ITGA11: variants seen among roughly 807,000 people sequenced by gnomAD.
ITGA11 encodes integrin subunit alpha 11, also known as integrin alpha-11.
A neutral mutation model predicts 141.9 loss-of-function variants in ITGA11; 97 were observed. The ratio of observed to expected loss-of-function variants is 0.68; its 90% confidence interval spans 0.58 to 0.81. The LOEUF is 0.81. Ranked by LOEUF, ITGA11 falls within the 30% of genes least tolerant of loss-of-function variation. The pLI is 0.00. For synonymous variants in ITGA11, 658 were observed against 624.6 expected (o/e 1.05, Z -0.80); for missense variants, 1,387 against 1,559.2 (o/e 0.89, Z 1.86).
At chr15:68,377,660 A>G (rs1344502020) in intron 2 of ITGA11, among the ~76,000 whole-genome samples, 3 of 152,230 alleles carry the variant, frequency 2.0e-5, no homozygotes, top group Admixed American at 6.5e-5. Context: ...CAGACAATCT[A>G]GAGGACATCC....
Position 68,298,759 on chromosome 15 carries a change from C to T in ITGA11, c.*4300G>A, listed in dbSNP as rs919333904. On this transcript the variant is annotated 3_prime_UTR_variant, in exon 30 of 30. Transcript: ENST00000315757. ...AAAAATTTTTTGACTCTGACTTGGG[C>T]CACCTTCTGAAAACATTTCAGACAC... 1 of 152,176 alleles carries T rather than the reference C, an allele frequency of 6.6e-6. No homozygotes were observed. Among genetic ancestry groups the T allele is most frequent in the Non-Finnish European group, 1.5e-5 (1 of 68,036 alleles). 9.4% of individuals were successfully genotyped at this position (152,176 alleles called of 1,614,324 possible).
chr15:68,418,652 G>A (rs928778040), intron 1 of ITGA11, among the ~76,000 whole-genome samples: 5 of 140,722 alleles, frequency 3.6e-5, no homozygotes, highest in East Asian at 2.2e-4. Context: ...ATCATGTAGC[G>A]CACAGCCGGT....
At chr15:68,361,741 G>T (rs1895250451) in intron 4 of ITGA11, 37 bp from the exon 5 acceptor site, 1 of 1,434,990 alleles carries the variant, frequency 7.0e-7, no homozygotes, top group Non-Finnish European at 9.7e-7. Context: ...TCAGTGAGGG[G>T]ACCTCAGAGA....
At chr15:68,384,580 G>A (rs1895938593) in intron 2 of ITGA11, among the ~76,000 whole-genome samples, 1 of 152,148 alleles carries the variant, frequency 6.6e-6, no homozygotes, top group African/African-American at 2.4e-5. Context: ...GGGTGGCTTG[G>A]CCTGGGGCCC....
chr15:68,429,112 TC>T (rs1466485726), intron 1 of ITGA11, among the ~76,000 whole-genome samples: 1 of 152,236 alleles, frequency 6.6e-6, no homozygotes, highest in African/African-American at 2.4e-5. Flanking sequence ...GAAGACAACC[TC>T]CTTGAGTGCT....
chr15:68,333,659 G>A lies in ITGA11; in HGVS notation c.1426-1181C>T, dbSNP rs1354148012. ...GCTCCCCCCTGCTTCGTCCCTAGGT[G>A]AGGCGCCTTCTAAAGGGCCTTCCAG... On this transcript the variant is annotated intron_variant, in intron 12 of 29. Coordinates refer to ENST00000315757, the MANE Select transcript of ITGA11 (RefSeq NM_001004439.2). This position sits in a 1 kb window ranked among gnomAD's most constrained non-coding sequence, Gnocchi z 4.2. Among the ~76,000 whole-genome samples the A allele has an allele frequency of 6.6e-6, 1 of 152,176 alleles. No individual in the cohort carries two copies. The highest frequency in any genetic ancestry group is 1.5e-5 in the Non-Finnish European group (1 of 68,040).
In ITGA11 at chr15:68,303,737, A is replaced by C; in HGVS notation, c.3495+35T>G. On this transcript the variant is annotated intron_variant, in intron 29 of 29. Transcript: ENST00000315757. This position sits in a 1 kb window ranked among gnomAD's most constrained non-coding sequence, Gnocchi z 5.3. ...CTGGAGCCTGGGCCCACCAGCCAGG[A>C]TGCTGCTCCTTCCCTCCCCTGCCAG... 6.8e-7 allele frequency: 1 copy of C among 1,461,106 alleles called. No individual in the cohort carries two copies. The allele number at this position is 1,461,106 out of a possible 1,614,324, so 90.5% of individuals were successfully genotyped here.
chr15:68,330,902 T>C, intron 15 of ITGA11, 79 bp downstream of exon 15: 2 of 1,553,566 alleles, frequency 1.3e-6, no homozygotes, highest in Non-Finnish European at 1.8e-6. Flanking sequence ...ACAAAGATCC[T>C]GAAGCCTATC....
intron 10 of ITGA11, 47 bp from the exon 11 acceptor site, chr15:68,339,691 A>G: frequency 6.2e-7 from 1 of 1,606,800 alleles, no homozygotes; most frequent in South Asian, 1.1e-5. Context: ...CTCATGGGCC[A>G]GTTGCCAGGA....
At chr15:68,413,328 C>T (rs897399494) in intron 1 of ITGA11, among the ~76,000 whole-genome samples, 4 of 152,184 alleles carry the variant, frequency 2.6e-5, no homozygotes, top group Non-Finnish European at 4.4e-5. Flanking sequence ...TCTATGTTCA[C>T]CACCACTCCT....
chr15:68,387,774 T>C (rs1031325242), intron 2 of ITGA11, among the ~76,000 whole-genome samples: 2 of 152,142 alleles, frequency 1.3e-5, no homozygotes, highest in Admixed American at 6.5e-5. Flanking sequence ...CTCCTAGAGC[T>C]GGAAGTCCTT....
chr15:68,401,199 G>A (rs974404750), intron 2 of ITGA11, among the ~76,000 whole-genome samples: 6 of 151,590 alleles, frequency 4.0e-5, no homozygotes, highest in Non-Finnish European at 7.4e-5. Context: ...TAAAATGACT[G>A]ATAATGTCAT....
chr15:68,423,469 G>A (rs1595901561), intron 1 of ITGA11, among the ~76,000 whole-genome samples: 1 of 152,174 alleles, frequency 6.6e-6, no homozygotes. Context: ...AAACTAAGAA[G>A]CTCAGTCTCA....
At chr15:68,401,708 G>A (rs1896515372) in intron 2 of ITGA11, among the ~76,000 whole-genome samples, 1 of 152,250 alleles carries the variant, frequency 6.6e-6, no homozygotes, top group Non-Finnish European at 1.5e-5. Context: ...TGGGGCGGGG[G>A]TGAGTGGGCA....
chr15:68,320,261 C>G lies in ITGA11; in HGVS notation c.2540G>C (p.Arg847Thr), dbSNP rs183855239. 8 of 1,614,058 alleles carry G rather than the reference C, an allele frequency of 5.0e-6. No individual in the cohort carries two copies. The African/African-American group carries it at 1.1e-4, about 22-fold the overall frequency. Residue 847 changes from arginine (R) to threonine (T), a missense_variant, in exon 20 of 30, where the codon AGG becomes ACG. Transcript: ENST00000315757. ...GACCGTGCTGTAGGCGTTCTCGCCC[C>G]TGTTCTCCAGTGTGGCCTCCACCGC... Reference protein sequence around the residue: ...RVAVEATLENRGENAYSTVLN... With the variant: ...RVAVEATLENTGENAYSTVLN...
chr15:68,332,355 C>G lies in ITGA11; in HGVS notation c.1549G>C (p.Val517Leu). The change falls in exon 13 of 30, where the codon GTC becomes CTC. Residue 517 changes from valine (V) to leucine (L), a missense_variant. By Grantham distance (32) the Val-to-Leu change is conservative (BLOSUM62 1). Coordinates refer to ENST00000315757, the MANE Select transcript of ITGA11 (RefSeq NM_001004439.2). ...AGCTGTACCTGTCTCAGCTCATAGACGTACACCTTGCCTCGCTCACGGCCC... is the reference window on the plus strand; with the variant it reads ...AGCTGTACCTGTCTCAGCTCATAGAGGTACACCTTGCCTCGCTCACGGCCC... ...NEGRERGKVY[V>L]YELRQNLFVY... The G allele has an allele frequency of 1.2e-6, 2 of 1,607,184 alleles. No homozygotes were observed. Among genetic ancestry groups the G allele is most frequent in the South Asian group, 2.2e-5 (2 of 89,278 alleles).
Position 68,307,331 on chromosome 15 carries a change from G to GA in ITGA11, c.3381+16_3381+17insT. 1.3e-6 allele frequency: 2 copies of GA among 1,540,074 alleles called. No homozygotes were observed. Among genetic ancestry groups the GA allele is most frequent in the East Asian group, 4.9e-5 (2 of 40,934 alleles). On this transcript the variant is annotated intron_variant, in intron 28 of 29. Transcript: ENST00000315757. The surrounding 1 kb of genome is among the most constrained non-coding windows in gnomAD (Gnocchi z 6.1). ...GTCCGGCCTAAGCCCAGTTCTGCAGGGCTCCCAGGGGCTCACCTGGCGGCT... is the reference window on the plus strand; with the variant it reads ...GTCCGGCCTAAGCCCAGTTCTGCAGGAGCTCCCAGGGGCTCACCTGGCGGCT...
At position 68,333,910 on chromosome 15, in the gene ITGA11, C is replaced by T. The variant is rs1489002683; in HGVS notation, c.1426-1432G>A. Among the ~76,000 whole-genome samples, 1 of 152,232 alleles carries T rather than the reference C, an allele frequency of 6.6e-6. No individual in the cohort carries two copies. The highest frequency in any genetic ancestry group is 2.4e-5 in the African/African-American group (1 of 41,458). ...TCCAAAGGCCCCAGGCCTTGGCTGGCTTCCAGGCTTCCCTCTGCACAAGCT... is the reference window on the plus strand; with the variant it reads ...TCCAAAGGCCCCAGGCCTTGGCTGGTTTCCAGGCTTCCCTCTGCACAAGCT... On this transcript the variant is annotated intron_variant, in intron 12 of 29. Coordinates refer to ENST00000315757, the MANE Select transcript of ITGA11 (RefSeq NM_001004439.2). The surrounding 1 kb of genome is among the most constrained non-coding windows in gnomAD (Gnocchi z 4.2).
intron 2 of ITGA11, among the ~76,000 whole-genome samples, chr15:68,371,478 TGAGG>T (rs1718448331): frequency 6.6e-6 from 1 of 152,010 alleles, no homozygotes; most frequent in Non-Finnish European, 1.5e-5. Context: ...TTTGGGAGGC[TGAGG>T]TAGGTGGATC....
Sources: gnomAD v4.1 joint callset for allele counts (sites outside exome capture counted in the v4.1 genomes callset) on GRCh38, gnomAD v4.1.1 for gene constraint, Gnocchi (gnomAD v3.1) non-coding constraint, MANE v1.5 for transcripts, NCBI Gene and HGNC (gene_info 2026-07-23, HGNC 2026-07-21) for gene names.